Variants in ADAMTS18 observed in about 807,000 individuals in gnomAD.
The protein encoded by ADAMTS18 is A disintegrin and metalloproteinase with thrombospondin motifs 18.
Under a neutral mutation model 165.9 loss-of-function variants are expected in ADAMTS18, and 157 were observed. The observed-to-expected ratio is 0.95, with a 90% CI of 0.83 to 1.08. ADAMTS18 has a LOEUF of 1.08. Among genes scored for constraint, ADAMTS18 ranks in the 50% least tolerant of loss-of-function variants. ADAMTS18 has a pLI of 0.00. For missense variants in ADAMTS18, 2,040 were observed against 1,534.0 expected, an observed-to-expected ratio of 1.33 and a Z score of -5.51; for synonymous variants, 782 against 578.2, an observed-to-expected ratio of 1.35 and a Z score of -5.06.
intron 4 of ADAMTS18, 87 bp from the exon 5 acceptor site, chr16:77,364,468 G>C: frequency 7.0e-7 from 1 of 1,424,144 alleles, no homozygotes; most frequent in East Asian, 2.4e-5. Flanking sequence ...AAGGGAAGAA[G>C]AGAAACTATG....
rs1292972331 is a variant in ADAMTS18 at position 77,434,644 on chromosome 16, G to C, written c.52C>G (p.Pro18Ala). 6 of 1,481,902 alleles carry C rather than the reference G, an allele frequency of 4.0e-6. No individual in the cohort carries two copies. In the Admixed American group the frequency reaches 1.4e-4, roughly 34 times the overall value. 91.8% of individuals were successfully genotyped at this position (1,481,902 alleles called of 1,614,324 possible). The change falls in exon 1 of 23, where the codon CCG (proline) becomes GCG (alanine). Residue 18 changes from proline to alanine, a missense_variant. By Grantham distance (27) the Pro-to-Ala change is conservative (BLOSUM62 -1). Coordinates refer to ENST00000282849, the MANE Select transcript of ADAMTS18 (RefSeq NM_199355.4). ...ACAFPAAGSG[P>A]PRGLAGLGRV... ...CCCAGTCCCGCCAGGCCCCTCGGCGGGCCCGAACCCGCAGCCGGGAAGGCA... is the reference window on the plus strand; with the variant it reads ...CCCAGTCCCGCCAGGCCCCTCGGCGCGCCCGAACCCGCAGCCGGGAAGGCA...
intron 3 of ADAMTS18, among the ~76,000 whole-genome samples, chr16:77,383,696 C>T (rs6564441): frequency 0.085 from 12,854 of 152,082 alleles, 732 homozygotes; most frequent in African/African-American, 0.16. Context: ...GCACCCACCA[C>T]CACGCCTGGC....
intron 3 of ADAMTS18, among the ~76,000 whole-genome samples, chr16:77,383,165 G>C (rs538165234): frequency 6.6e-6 from 1 of 152,206 alleles, no homozygotes; most frequent in Non-Finnish European, 1.5e-5. Context: ...CTTAGCAGTG[G>C]TCTCCTATCT....
At position 77,298,788 on chromosome 16, in the gene ADAMTS18, T is replaced by C. The variant is rs143062581; in HGVS notation, c.2675-1373A>G. On this transcript the variant is annotated intron_variant, in intron 17 of 22. Coordinates refer to ENST00000282849, the MANE Select transcript of ADAMTS18 (RefSeq NM_199355.4). ...GCCTGGGTGACAGAGTGAGATCCTA[T>C]CTCAAGAAAAAATAACAAAAACAAA... Among the ~76,000 whole-genome samples the C allele has an allele frequency of 9.2e-5, 14 of 152,284 alleles. No individual in the cohort carries two copies. The East Asian group carries it at 1.9e-3, about 21-fold the overall frequency.
At chr16:77,365,871 C>T (rs932810732) in intron 4 of ADAMTS18, among the ~76,000 whole-genome samples, 4 of 152,152 alleles carry the variant, frequency 2.6e-5, no homozygotes, top group East Asian at 3.8e-4. Flanking sequence ...AGCACAGTGA[C>T]GTTGAGCCTC....
chr16:77,319,587 C>T (rs185273172), intron 16 of ADAMTS18, among the ~76,000 whole-genome samples: 4 of 152,216 alleles, frequency 2.6e-5, no homozygotes, highest in East Asian at 1.9e-4. Context: ...GGATTACAGG[C>T]GCGTGCCACC....
At chr16:77,425,255 T>C (rs528549422) in intron 3 of ADAMTS18, among the ~76,000 whole-genome samples, 5 of 152,184 alleles carry the variant, frequency 3.3e-5, no homozygotes, top group African/African-American at 7.2e-5. Context: ...GGTTTAATTG[T>C]TGGGGACAAA....
intron 11 of ADAMTS18, among the ~76,000 whole-genome samples, chr16:77,336,356 G>A (rs2056310689): frequency 6.6e-6 from 1 of 152,172 alleles, no homozygotes; most frequent in Non-Finnish European, 1.5e-5. Flanking sequence ...ACTCATTCAT[G>A]AAGTAACAGT....
intron 13 of ADAMTS18, 75 bp downstream of exon 13, chr16:77,325,791 C>G (rs1158531110): frequency 1.3e-5 from 19 of 1,443,014 alleles, no homozygotes; most frequent in Middle Eastern, 1.8e-4. Context: ...ATACAAGCAG[C>G]AATTTCTTCT....
At chr16:77,387,721 A>G (rs997502565) in intron 3 of ADAMTS18, among the ~76,000 whole-genome samples, 3 of 152,216 alleles carry the variant, frequency 2.0e-5, no homozygotes, top group Admixed American at 6.5e-5. Flanking sequence ...AAAATTTTAA[A>G]AAGTTTTGAT....
In ADAMTS18 at chr16:77,284,018, C is replaced by G. The variant is rs766622417; in HGVS notation, c.3604G>C (p.Gly1202Arg). ...FNWCHLVPQHGVCNHKFYGKQ... is the reference protein window; with the variant it reads ...FNWCHLVPQHRVCNHKFYGKQ... ...CCGTAAAACTTGTGGTTGCAGACACCATGCTGAGGAACTAGGTGACACCAG... is the reference window on the plus strand; with the variant it reads ...CCGTAAAACTTGTGGTTGCAGACACGATGCTGAGGAACTAGGTGACACCAG... Residue 1202 changes from glycine to arginine, a missense_variant, in exon 23 of 23, where the codon GGT becomes CGT. By Grantham distance (125) the Gly-to-Arg change is moderately radical. Coordinates refer to ENST00000282849, the MANE Select transcript of ADAMTS18 (RefSeq NM_199355.4). 2 of 1,614,018 alleles carry G rather than the reference C, an allele frequency of 1.2e-6. No homozygotes were observed. Among genetic ancestry groups the G allele is most frequent in the Middle Eastern group, 3.3e-4 (2 of 6,060 alleles).
At chr16:77,368,585 C>T (rs2056833252) in intron 3 of ADAMTS18, among the ~76,000 whole-genome samples, 1 of 151,860 alleles carries the variant, frequency 6.6e-6, no homozygotes. Context: ...TACAGGTACA[C>T]ACCACTATGC....
intron 3 of ADAMTS18, among the ~76,000 whole-genome samples, chr16:77,397,155 T>G (rs2057269054): frequency 6.6e-6 from 1 of 152,122 alleles, no homozygotes; most frequent in Non-Finnish European, 1.5e-5. Context: ...CTAACACAAT[T>G]ATTTCTACAT....
At chr16:77,336,502 T>G (rs1262625946) in intron 11 of ADAMTS18, among the ~76,000 whole-genome samples, 1 of 152,232 alleles carries the variant, frequency 6.6e-6, no homozygotes, top group African/African-American at 2.4e-5. Context: ...CAACTCAGTC[T>G]GTACAAATTG....
chr16:77,377,203 C>T (rs1200319255), intron 3 of ADAMTS18, among the ~76,000 whole-genome samples: 3 of 152,188 alleles, frequency 2.0e-5, no homozygotes, highest in Non-Finnish European at 4.4e-5. Flanking sequence ...AAAATATACT[C>T]TTCATTGGTC....
chr16:77,287,446 C>A (rs1199463420), intron 22 of ADAMTS18, among the ~76,000 whole-genome samples: 1 of 152,054 alleles, frequency 6.6e-6, no homozygotes, highest in African/African-American at 2.4e-5. Flanking sequence ...CTTTATTCTT[C>A]CAAAAGCCAC....
At chr16:77,377,632 G>C (rs1163226353) in intron 3 of ADAMTS18, among the ~76,000 whole-genome samples, 1 of 152,168 alleles carries the variant, frequency 6.6e-6, no homozygotes, top group Non-Finnish European at 1.5e-5. Context: ...AGCCCCAGTA[G>C]GCTGCCTGGA....
At position 77,390,231 on chromosome 16, in the gene ADAMTS18, T is replaced by A. The variant is rs115217713; in HGVS notation, c.496-22508A>T. Among the ~76,000 whole-genome samples the A allele has an allele frequency of 4.6e-3, 698 of 152,244 alleles. 6 individuals carry two copies. The highest frequency in any genetic ancestry group is 0.016 in the African/African-American group (661 of 41,530). Reference sequence around the variant, plus strand: ...GGAAACCAAGCAATGATGGTAAAGATAAAGTAAACAAATTTAAAAAATAAT... The same window carrying A: ...GGAAACCAAGCAATGATGGTAAAGAAAAAGTAAACAAATTTAAAAAATAAT... On this transcript the variant is annotated intron_variant, in intron 3 of 22. Transcript: ENST00000282849.
intron 3 of ADAMTS18, among the ~76,000 whole-genome samples, chr16:77,400,424 T>TTGTGTGTGTGTGTGTGTGTGTGTGTGTG (rs145473637): frequency 2.9e-5 from 4 of 136,086 alleles, no homozygotes; most frequent in Middle Eastern, 3.8e-3. Flanking sequence ...TCAGGGGGAA[T>TTGTGTGTGTGTGTGTGTGTGTGTGTGTG]TGTGTGTGTG....
Sources: gnomAD v4.1 joint callset for allele counts (sites outside exome capture counted in the v4.1 genomes callset) on GRCh38, gnomAD v4.1.1 for gene constraint, MANE v1.5 for transcripts, NCBI Gene and HGNC (gene_info 2026-07-23, HGNC 2026-07-21) for gene names.